The following PTPRQ variants were observed in gnomAD, a reference collection of about 807,000 sequenced individuals.
PTPRQ encodes the protein phosphatidylinositol phosphatase PTPRQ.
Under a neutral mutation model 246.0 loss-of-function variants are expected in PTPRQ, and 199 were observed. The ratio of observed to expected loss-of-function variants is 0.81; its 90% CI spans 0.72 to 0.91. The LOEUF is 0.91. PTPRQ is among the 40% of genes least tolerant of loss of function. The pLI is 0.00. For synonymous variants in PTPRQ, 869 were observed against 853.2 expected (o/e 1.02, Z -0.32); for missense variants, 2,624 against 2,528.4 (o/e 1.04, Z -0.81).
chr12:80,654,300 GT>G (rs907492611), intron 38 of PTPRQ, among the ~76,000 whole-genome samples: 1 of 152,106 alleles, frequency 6.6e-6, no homozygotes, highest in Admixed American at 6.6e-5. Flanking sequence ...CACCATGTTT[GT>G]CAGGCTGGTT....
intron 25 of PTPRQ, among the ~76,000 whole-genome samples, chr12:80,559,457 T>A (rs1208473602): frequency 6.6e-6 from 1 of 152,256 alleles, no homozygotes; most frequent in Non-Finnish European, 1.5e-5. Context: ...TATGGATGTC[T>A]AATTGCTCTA....
At chr12:80,456,684 A>G (rs1892992740) in intron 3 of PTPRQ, among the ~76,000 whole-genome samples, 1 of 152,152 alleles carries the variant, frequency 6.6e-6, no homozygotes, top group Admixed American at 6.5e-5. Flanking sequence ...TTTATAAATC[A>G]TTCTTGTGAC....
At chr12:80,513,116 A>G (rs541093384) in intron 17 of PTPRQ, among the ~76,000 whole-genome samples, 8 of 152,238 alleles carry the variant, frequency 5.3e-5, no homozygotes, top group African/African-American at 1.9e-4. Flanking sequence ...GTGTTAGCTC[A>G]GTTAGACCCC....
rs1894514897 is a variant in PTPRQ, at chr12:80,493,458, A to C, written c.1540+3A>C. 6.5e-7 allele frequency: 1 copy of C among 1,546,358 alleles called. No individual in the cohort carries two copies. Among genetic ancestry groups the C allele is most frequent in the African/African-American group, 1.4e-5 (1 of 72,710 alleles). On this transcript the variant is annotated splice_donor_region_variant and intron_variant, in intron 10 of 44. Coordinates refer to ENST00000644991, the MANE Select transcript of PTPRQ (RefSeq NM_001145026.2). ...TGAAGACCAGACTTCACCAGTTGGT[A>C]GGTAGAATTTTGATTTTCTATAAAG...
intron 9 of PTPRQ, among the ~76,000 whole-genome samples, chr12:80,486,309 T>C (rs1427621567): frequency 1.3e-5 from 2 of 152,166 alleles, no homozygotes; most frequent in South Asian, 2.1e-4. Flanking sequence ...CCTTATACTC[T>C]CTCAATGAAA....
chr12:80,455,108 G>A (rs1427564194), intron 3 of PTPRQ, among the ~76,000 whole-genome samples: 1 of 152,206 alleles, frequency 6.6e-6, no homozygotes, highest in African/African-American at 2.4e-5. Context: ...GGGAGGCAGA[G>A]GTTGCAGTGA....
At chr12:80,457,414 T>G (rs907666839) in intron 3 of PTPRQ, among the ~76,000 whole-genome samples, 161 bp from the exon 4 acceptor site, 2 of 152,148 alleles carry the variant, frequency 1.3e-5, no homozygotes, top group African/African-American at 4.8e-5. Flanking sequence ...CTTTATTTGT[T>G]GATTGTATAG....
chr12:80,549,372 A>C (rs1408273786), intron 24 of PTPRQ, 93 bp from the exon 25 acceptor site: 1 of 1,374,556 alleles, frequency 7.3e-7, no homozygotes, highest in African/African-American at 1.5e-5. Context: ...TTCTAGTTCT[A>C]AACACAGATG....
intron 25 of PTPRQ, among the ~76,000 whole-genome samples, chr12:80,574,469 C>CTT (rs149696560): frequency 0.036 from 5,506 of 152,116 alleles, 341 homozygotes; most frequent in African/African-American, 0.12. Context: ...TGTCCTATCT[C>CTT]ATTTTTAGTT....
In PTPRQ at chr12:80,541,540, C is replaced by T; in HGVS notation, c.3155-15C>T. On this transcript the variant is annotated splice_polypyrimidine_tract_variant and intron_variant, in intron 20 of 44. Coordinates refer to ENST00000644991, the MANE Select transcript of PTPRQ (RefSeq NM_001145026.2). ...TAACTGATGATTTTTGTATTTTGCC[C>T]ATTACCTATCATAGTACCTGAAGGG... is the stretch of plus-strand genomic sequence containing the variant. The T allele has an allele frequency of 2.8e-6, 4 of 1,443,116 alleles. No individual in the cohort carries two copies. The highest frequency in any genetic ancestry group is 2.7e-5 in the Admixed American group (1 of 37,166). The allele number at this position is 1,443,116 out of a possible 1,614,324, so 89.4% of individuals were successfully genotyped here. A position where few individuals can be genotyped will look rare whatever the true frequency, so the allele number is the denominator to read the frequency against.
chr12:80,623,849 G>T (rs1463818291), intron 33 of PTPRQ, among the ~76,000 whole-genome samples: 3 of 152,102 alleles, frequency 2.0e-5, no homozygotes, highest in Admixed American at 1.3e-4. Flanking sequence ...TATAAAAGGG[G>T]GGGAGCGCCA....
chr12:80,452,703 T>C (rs1235009947), intron 3 of PTPRQ, among the ~76,000 whole-genome samples: 1 of 152,364 alleles, frequency 6.6e-6, no homozygotes, highest in East Asian at 1.9e-4. Flanking sequence ...CCCCACTCTC[T>C]TCTGGCTTCT....
intron 17 of PTPRQ, chr12:80,526,012 A>G (rs1237123775): frequency 6.6e-6 from 1 of 152,142 alleles, no homozygotes; most frequent in African/African-American, 2.4e-5. Flanking sequence ...AACAATTTTT[A>G]AGAGATAGCA....
chr12:80,653,099 T>C (rs1446883821), intron 38 of PTPRQ, among the ~76,000 whole-genome samples: 1 of 152,138 alleles, frequency 6.6e-6, no homozygotes, highest in Non-Finnish European at 1.5e-5. Flanking sequence ...GCTTTGTAAT[T>C]AAACCCAAGT....
At chr12:80,524,060 C>T (rs556393612) in intron 17 of PTPRQ, among the ~76,000 whole-genome samples, 5 of 152,208 alleles carry the variant, frequency 3.3e-5, no homozygotes, top group African/African-American at 4.8e-5. Context: ...GTATTGAGTG[C>T]GTATATATTT....
intron 28 of PTPRQ, among the ~76,000 whole-genome samples, chr12:80,613,127 G>A (rs989117827): frequency 6.6e-5 from 10 of 150,418 alleles, no homozygotes; most frequent in African/African-American, 2.2e-4. Context: ...TTGGGATAAA[G>A]TCTGTAGCAT....
chr12:80,456,293 A>G lies in PTPRQ; in HGVS notation c.391-1282A>G, dbSNP rs139283247. Among the ~76,000 whole-genome samples, 483 of 152,294 alleles carry G rather than the reference A, an allele frequency of 3.2e-3. 4 individuals are homozygous for G. Among genetic ancestry groups the G allele is most frequent in the African/African-American group, 0.011 (449 of 41,554 alleles). ...GATCAGAACTGGAAAGCAAATACTAATAGTGTGAGTCTTACAATGAGAAAA... is the reference window on the plus strand; with the variant it reads ...GATCAGAACTGGAAAGCAAATACTAGTAGTGTGAGTCTTACAATGAGAAAA... On this transcript the variant is annotated intron_variant, in intron 3 of 44. Coordinates refer to ENST00000644991, the MANE Select transcript of PTPRQ (RefSeq NM_001145026.2).
At chr12:80,614,392 A>T (rs1023658000) in intron 29 of PTPRQ, among the ~76,000 whole-genome samples, 6 of 150,792 alleles carry the variant, frequency 4.0e-5, no homozygotes, top group Non-Finnish European at 7.4e-5. Flanking sequence ...CTACTTTTAG[A>T]TCATCTTGAA....
intron 26 of PTPRQ, among the ~76,000 whole-genome samples, chr12:80,588,833 C>A (rs1401795055): frequency 6.6e-6 from 1 of 152,202 alleles, no homozygotes; most frequent in Non-Finnish European, 1.5e-5. Flanking sequence ...CCCAACTTTA[C>A]AACCTTTTCA....
Sources: allele counts gnomAD v4.1 joint callset (sites outside exome capture counted in the v4.1 genomes callset), GRCh38; gene constraint gnomAD v4.1.1; transcripts MANE v1.5; gene names NCBI Gene and HGNC (gene_info 2026-07-23, HGNC 2026-07-21).